SLC39A11: variants seen among roughly 807,000 people sequenced by gnomAD.
SLC39A11 encodes zinc transporter ZIP11.
A neutral mutation model predicts 36.1 loss-of-function variants in SLC39A11; 33 were observed. The ratio of observed to expected loss-of-function variants is 0.91; its 90% CI spans 0.69 to 1.22. The LOEUF is 1.22. SLC39A11 is among the 50% of genes most tolerant of loss of function. The pLI, the probability that SLC39A11 is intolerant of heterozygous loss-of-function variation, is 0.00. For missense variants in SLC39A11, 432 were observed against 430.3 expected (o/e 1.00, Z -0.03); for synonymous variants, 166 against 170.3 (o/e 0.97, Z 0.20).
chr17:72,981,502 C>A (rs1237150243), intron 4 of SLC39A11, among the ~76,000 whole-genome samples: 3 of 150,426 alleles, frequency 2.0e-5, no homozygotes, highest in Non-Finnish European at 4.4e-5. Flanking sequence ...ATTTTAATCT[C>A]TATCTCACTT....
chr17:72,803,439 A>G (rs1360218547), intron 6 of SLC39A11, among the ~76,000 whole-genome samples: 1 of 152,258 alleles, frequency 6.6e-6, no homozygotes, highest in East Asian at 1.9e-4. Context: ...TGCCACACGC[A>G]GGAGGTACAA....
chr17:72,685,065 T>C (rs1263022024), intron 7 of SLC39A11, among the ~76,000 whole-genome samples: 1 of 152,186 alleles, frequency 6.6e-6, no homozygotes, highest in Non-Finnish European at 1.5e-5. Flanking sequence ...CTCCACTGAG[T>C]AGATGTTCGT....
intron 4 of SLC39A11, among the ~76,000 whole-genome samples, chr17:72,971,336 A>ACACTCTCT (rs1555657685): frequency 4.8e-4 from 69 of 143,492 alleles, no homozygotes; most frequent in African/African-American, 1.7e-3. Context: ...ACACACACAC[A>ACACTCTCT]CTCTCTCTCT....
intron 4 of SLC39A11, among the ~76,000 whole-genome samples, chr17:73,025,548 G>A (rs375376212): frequency 1.3e-5 from 2 of 152,140 alleles, no homozygotes; most frequent in Admixed American, 1.3e-4. Flanking sequence ...AGAATGTTAC[G>A]TAGGTATTAA....
intron 7 of SLC39A11, among the ~76,000 whole-genome samples, chr17:72,717,107 T>C (rs1314152179): frequency 2.8e-5 from 4 of 142,564 alleles, no homozygotes; most frequent in African/African-American, 1.1e-4. Context: ...CTTATATGTG[T>C]ATGTATATAT....
At chr17:72,978,734 G>A (rs1255183468) in intron 4 of SLC39A11, among the ~76,000 whole-genome samples, 7 of 152,130 alleles carry the variant, frequency 4.6e-5, no homozygotes, top group African/African-American at 1.7e-4. Context: ...GGCTGGGGTG[G>A]AAAGGAGTGG....
At chr17:72,757,942 G>A (rs1397090628) in intron 6 of SLC39A11, among the ~76,000 whole-genome samples, 1 of 152,162 alleles carries the variant, frequency 6.6e-6, no homozygotes, top group East Asian at 1.9e-4. Context: ...CTGGAGTGCA[G>A]TGGCGTGATC....
intron 4 of SLC39A11, among the ~76,000 whole-genome samples, chr17:73,003,851 T>C (rs1350087329): frequency 3.3e-5 from 5 of 152,094 alleles, no homozygotes; most frequent in Non-Finnish European, 7.3e-5. Flanking sequence ...TTTGGGAGGC[T>C]GAAGCGGGTG....
intron 6 of SLC39A11, among the ~76,000 whole-genome samples, chr17:72,789,987 G>C (rs1389617807): frequency 6.6e-6 from 1 of 152,168 alleles, no homozygotes; most frequent in Non-Finnish European, 1.5e-5. Context: ...GGAAATCAGG[G>C]ATGCCAGAAT....
chr17:72,757,642 C>A (rs1392680699), intron 6 of SLC39A11, among the ~76,000 whole-genome samples: 1 of 144,088 alleles, frequency 6.9e-6, no homozygotes, highest in African/African-American at 2.8e-5. Flanking sequence ...CTGTCTGGCA[C>A]ATTTTTTTTT....
intron 6 of SLC39A11, among the ~76,000 whole-genome samples, chr17:72,843,917 T>C (rs1439516151): frequency 1.3e-5 from 2 of 152,118 alleles, no homozygotes; most frequent in East Asian, 1.9e-4. Context: ...CTCCGGGAGA[T>C]AGGCTACTAT....
At chr17:72,792,236 C>A (rs1415949666) in intron 6 of SLC39A11, among the ~76,000 whole-genome samples, 4 of 152,208 alleles carry the variant, frequency 2.6e-5, no homozygotes, top group Non-Finnish European at 5.9e-5. Flanking sequence ...ACACAGTGAA[C>A]CAGAAGGGGC....
chr17:73,039,620 CAG>C, intron 3 of SLC39A11, among the ~76,000 whole-genome samples: 1 of 152,300 alleles, frequency 6.6e-6, no homozygotes, highest in Non-Finnish European at 1.5e-5. Flanking sequence ...AAGTATTATA[CAG>C]ACTCATACTC....
At chr17:72,858,767 TG>T (rs1307651026) in intron 5 of SLC39A11, among the ~76,000 whole-genome samples, 6 of 152,190 alleles carry the variant, frequency 3.9e-5, no homozygotes, top group Admixed American at 1.3e-4. Context: ...GTTCCTGGTT[TG>T]GTTCTCAGCT....
intron 5 of SLC39A11, among the ~76,000 whole-genome samples, chr17:72,902,646 T>G (rs1027385879): frequency 1.3e-5 from 2 of 152,246 alleles, no homozygotes; most frequent in African/African-American, 4.8e-5. Flanking sequence ...CATACCAGCA[T>G]GCCAAGAGCA....
chr17:72,935,577 AC>A (rs1465162159), intron 5 of SLC39A11, among the ~76,000 whole-genome samples: 5 of 152,108 alleles, frequency 3.3e-5, no homozygotes, highest in African/African-American at 1.2e-4. Flanking sequence ...GTCCTTTATC[AC>A]CTGAGCAATT....
In SLC39A11 at chr17:73,019,844, AAAAGT is replaced by A. The variant is rs562342622; in HGVS notation, c.306+11707_306+11711del. On this transcript the variant is annotated intron_variant, in intron 4 of 9. Coordinates refer to ENST00000255559, the MANE Select transcript of SLC39A11 (RefSeq NM_139177.4). ...AGACGGAGATCCTTGGACTAGATGA[AAAAGT>A]AAAACACAATGTTATGTTGTTTATT... 9.8e-5 allele frequency among the ~76,000 whole-genome samples: 15 copies of A among 152,350 alleles called. No homozygotes were observed. The East Asian group carries it at 2.7e-3, about 27-fold the overall frequency.
At chr17:72,883,936 C>A (rs976891256) in intron 5 of SLC39A11, among the ~76,000 whole-genome samples, 1 of 152,114 alleles carries the variant, frequency 6.6e-6, no homozygotes, top group Non-Finnish European at 1.5e-5. Context: ...AGGTGGATTG[C>A]TTGAGCTCGG....
At chr17:72,928,676 G>A (rs959475290) in intron 5 of SLC39A11, among the ~76,000 whole-genome samples, 3 of 152,076 alleles carry the variant, frequency 2.0e-5, no homozygotes, top group Non-Finnish European at 2.9e-5. Flanking sequence ...TTGAGTCTAC[G>A]TCAATAGACT....
Sources: gnomAD v4.1 joint callset for allele counts (sites outside exome capture counted in the v4.1 genomes callset) on GRCh38, gnomAD v4.1.1 for gene constraint, MANE v1.5 for transcripts, NCBI Gene and HGNC (gene_info 2026-07-23, HGNC 2026-07-21) for gene names.